PTPRM: variants seen among roughly 807,000 people sequenced by gnomAD.
The protein encoded by PTPRM is receptor-type tyrosine-protein phosphatase mu.
A neutral mutation model predicts 186.7 loss-of-function variants in PTPRM; 47 were observed. That is an observed-to-expected ratio of 0.25 (90% CI 0.20 to 0.32). The LOEUF (loss-of-function observed/expected upper bound fraction) is 0.32, where lower values mean the gene tolerates loss of function less well. Ranked by LOEUF, PTPRM falls within the 10% of genes least tolerant of loss-of-function variation. The pLI, the probability that PTPRM is intolerant of heterozygous loss-of-function variation, is 1.00. For synonymous variants in PTPRM, 668 were observed against 674.9 expected (o/e 0.99, Z 0.16); for missense variants, 1,494 against 1,865.0 (o/e 0.80, Z 3.66).
chr18:8,355,474 C>T (rs1425190163), intron 23 of PTPRM, among the ~76,000 whole-genome samples: 1 of 152,056 alleles, frequency 6.6e-6, no homozygotes, highest in Non-Finnish European at 1.5e-5. Flanking sequence ...CTAGGGAGAA[C>T]TGAGGCCTTG....
chr18:7,917,619 T>G (rs1208804004), intron 4 of PTPRM, among the ~76,000 whole-genome samples: 1 of 152,206 alleles, frequency 6.6e-6, no homozygotes, highest in Admixed American at 6.5e-5. Context: ...GTATACAATT[T>G]GTAAAAATGG....
chr18:7,888,403 T>G lies in PTPRM; in HGVS notation c.468+26T>G, dbSNP rs781324796. On this transcript the variant is annotated intron_variant, in intron 3 of 32. Transcript: ENST00000580170. ...GTATGTGCTTTCTTTTTATTACATA[T>G]TTTGAAGCATCCTCTAATTTCTAAA... The G allele has an allele frequency of 3.2e-6, 5 of 1,540,886 alleles. No homozygotes were observed. The Admixed American group carries it at 1.1e-4, about 34-fold the overall frequency.
chr18:7,949,461 A>G, intron 6 of PTPRM, 106 bp downstream of exon 6: 1 of 972,920 alleles, frequency 1.0e-6, no homozygotes, highest in Non-Finnish European at 1.4e-6. Flanking sequence ...TCTGTTTCTG[A>G]GCAGTGGTTT....
At chr18:7,602,767 G>A (rs1264837292) in intron 1 of PTPRM, among the ~76,000 whole-genome samples, 2 of 150,300 alleles carry the variant, frequency 1.3e-5, no homozygotes, top group African/African-American at 4.9e-5. Flanking sequence ...AAAAATAAAA[G>A]TGTTGGCATT....
chr18:8,033,654 C>A (rs1305877875), intron 7 of PTPRM, among the ~76,000 whole-genome samples: 2 of 152,192 alleles, frequency 1.3e-5, no homozygotes, highest in Non-Finnish European at 2.9e-5. Context: ...GTCTTATACA[C>A]AGTTTGTCAT....
chr18:7,682,840 G>A (rs112535973), intron 1 of PTPRM, among the ~76,000 whole-genome samples: 3 of 152,120 alleles, frequency 2.0e-5, no homozygotes, highest in East Asian at 1.9e-4. Flanking sequence ...TGGGCATTGG[G>A]GGGGTGCAAG....
chr18:8,372,056 CTTTTTTTT>C lies in PTPRM; in HGVS notation c.3171+1069_3171+1076del, dbSNP rs557766971. ...TTGGCCTTCCTCTCCACTCTATATT[CTTTTTTTT>C]TTTTTTTTTTTTTTTTTTAAGACGG... On this transcript the variant is annotated intron_variant, in intron 24 of 32. Transcript: ENST00000580170. Among the ~76,000 whole-genome samples the C allele has an allele frequency of 8.6e-3, 507 of 59,070 alleles. 76 individuals are homozygous for C. In the East Asian group the frequency reaches 0.23, roughly 27 times the overall value. 38.8% of individuals were successfully genotyped at this position (59,070 alleles called of 152,430 possible). A position where few individuals can be genotyped will look rare whatever the true frequency, so the allele number is the denominator to read the frequency against.
chr18:7,922,243 A>G (rs2050909192), intron 4 of PTPRM, among the ~76,000 whole-genome samples: 1 of 152,210 alleles, frequency 6.6e-6, no homozygotes, highest in Non-Finnish European at 1.5e-5. Context: ...AGGATGAACA[A>G]TTCTCCTACA....
chr18:8,306,577 C>A (rs569012877), intron 20 of PTPRM, among the ~76,000 whole-genome samples: 75 of 152,348 alleles, frequency 4.9e-4, no homozygotes, highest in Non-Finnish European at 9.6e-4. Flanking sequence ...ATAGTCTTGA[C>A]CCCGTGGTTT....
intron 7 of PTPRM, among the ~76,000 whole-genome samples, chr18:7,973,981 A>T (rs541618579): frequency 6.7e-4 from 100 of 149,648 alleles, no homozygotes; most frequent in African/African-American, 2.3e-3. Context: ...AAAAAAAAAG[A>T]CTTGAGGGGA....
chr18:7,866,573 CT>C (rs2047709728), intron 2 of PTPRM, among the ~76,000 whole-genome samples: 1 of 152,146 alleles, frequency 6.6e-6, no homozygotes, highest in African/African-American at 2.4e-5. Flanking sequence ...GATTTCCGTT[CT>C]TTTGCATATG....
chr18:7,764,830 A>G (rs1376618721), intron 1 of PTPRM, among the ~76,000 whole-genome samples: 3 of 152,196 alleles, frequency 2.0e-5, no homozygotes, highest in Admixed American at 1.3e-4. Context: ...CAGCTGTTTC[A>G]TCATTTTGTT....
intron 23 of PTPRM, among the ~76,000 whole-genome samples, chr18:8,358,210 T>C (rs1218699394): frequency 6.6e-6 from 1 of 151,322 alleles, no homozygotes; most frequent in Non-Finnish European, 1.5e-5. Flanking sequence ...ATTCCCCATA[T>C]CTGATCAGAG....
intron 2 of PTPRM, among the ~76,000 whole-genome samples, chr18:7,851,839 T>C (rs1275748080): frequency 6.6e-6 from 1 of 152,160 alleles, no homozygotes. Flanking sequence ...AATGGTTTTT[T>C]GGGTCTCACA....
At chr18:8,317,120 T>C (rs575958228) in intron 21 of PTPRM, among the ~76,000 whole-genome samples, 12 of 152,170 alleles carry the variant, frequency 7.9e-5, no homozygotes, top group Admixed American at 3.3e-4. Context: ...GTGATCTGGC[T>C]GCTGGGAGGG....
chr18:8,392,460 T>TA (rs915564481), intron 31 of PTPRM, among the ~76,000 whole-genome samples: 6 of 151,648 alleles, frequency 4.0e-5, no homozygotes, highest in East Asian at 1.9e-4. Context: ...CCATCTCTAC[T>TA]AAAAAAATAC....
Position 8,029,425 on chromosome 18 carries a change from G to C in PTPRM, c.1133-40261G>C, listed in dbSNP as rs149792318. ...GCCCCTCCCCCACCTGTCCTACCTGGAGTGTCTCCCCCACACCTGTCCTGC... is the reference window on the plus strand; with the variant it reads ...GCCCCTCCCCCACCTGTCCTACCTGCAGTGTCTCCCCCACACCTGTCCTGC... On this transcript the variant is annotated intron_variant, in intron 7 of 32. Coordinates refer to ENST00000580170, the MANE Select transcript of PTPRM (RefSeq NM_001105244.2). 8.3e-3 allele frequency among the ~76,000 whole-genome samples: 1,235 copies of C among 148,930 alleles called. 7 individuals are homozygous for C. Among genetic ancestry groups the C allele is most frequent in the South Asian group, 0.034 (157 of 4,654 alleles).
chr18:8,357,227 C>T (rs1439397275), intron 23 of PTPRM, among the ~76,000 whole-genome samples: 2 of 152,176 alleles, frequency 1.3e-5, no homozygotes, highest in Non-Finnish European at 2.9e-5. Context: ...TGGAATGTTG[C>T]CATGTGATCA....
Position 8,303,166 on chromosome 18 carries a change from G to T in PTPRM, c.2842+6711G>T, listed in dbSNP as rs980731147. Among the ~76,000 whole-genome samples the T allele has an allele frequency of 2.6e-5, 4 of 152,130 alleles. No individual in the cohort carries two copies. In the East Asian group the frequency reaches 7.7e-4, roughly 29 times the overall value. On this transcript the variant is annotated intron_variant, in intron 20 of 32. Coordinates refer to ENST00000580170, the MANE Select transcript of PTPRM (RefSeq NM_001105244.2). ...TCCTGAGACAGAACTGCTCAGCGGT[G>T]CAGGGAGCACTCTCATGGAGAGAAG... is the stretch of plus-strand genomic sequence containing the variant.
Sources: allele counts gnomAD v4.1 joint callset (sites outside exome capture counted in the v4.1 genomes callset), GRCh38; gene constraint gnomAD v4.1.1; transcripts MANE v1.5; gene names NCBI Gene and HGNC (gene_info 2026-07-23, HGNC 2026-07-21).